The following ABLIM3 variants were observed in gnomAD, a reference collection of about 807,000 sequenced individuals.
ABLIM3 encodes the protein actin-binding LIM protein 3.
In ABLIM3, 61 loss-of-function variants were observed where a neutral mutation model predicts 109.5. That is an observed-to-expected ratio of 0.56 (90% CI 0.45 to 0.69). ABLIM3 has a LOEUF of 0.69. ABLIM3 is among the 30% of genes least tolerant of loss of function. The probability of loss-of-function intolerance (pLI) is 0.00; values close to 1 mark genes in which losing one functional copy is unlikely to be tolerated. For synonymous variants in ABLIM3, 300 were observed against 324.8 expected (o/e 0.92, Z 0.82); for missense variants, 796 against 889.5 (o/e 0.89, Z 1.34).
intron 2 of ABLIM3, among the ~76,000 whole-genome samples, chr5:149,159,210 C>T (rs1754110753): frequency 6.6e-6 from 1 of 152,166 alleles, no homozygotes; most frequent in African/African-American, 2.4e-5. Context: ...AAGGAACAAA[C>T]TATTGACACA....
At chr5:149,248,035 A>G (rs770126376) in intron 18 of ABLIM3, 106 bp downstream of exon 18, 8 of 1,348,820 alleles carry the variant, frequency 5.9e-6, no homozygotes, top group Non-Finnish European at 7.0e-6. Flanking sequence ...GGCACAGCCC[A>G]TGCATCCTCT....
chr5:149,253,139 G>T (rs1754104403), intron 23 of ABLIM3, among the ~76,000 whole-genome samples: 1 of 151,838 alleles, frequency 6.6e-6, no homozygotes, highest in Non-Finnish European at 1.5e-5. Context: ...GTTAGTGTCT[G>T]TGGTGCACAG....
At chr5:149,222,275 C>G (rs1418262075) in intron 8 of ABLIM3, among the ~76,000 whole-genome samples, 1 of 152,080 alleles carries the variant, frequency 6.6e-6, no homozygotes, top group African/African-American at 2.4e-5. Context: ...CAGCTAAAAA[C>G]TATTAATGTC....
intron 2 of ABLIM3, among the ~76,000 whole-genome samples, chr5:149,180,175 G>C (rs76562508): frequency 6.6e-6 from 1 of 152,160 alleles, no homozygotes; most frequent in Non-Finnish European, 1.5e-5. Flanking sequence ...AAATATTCAC[G>C]TGTAAGTCAA....
intron 2 of ABLIM3, among the ~76,000 whole-genome samples, chr5:149,157,841 C>T (rs1026206491): frequency 5.3e-5 from 8 of 152,084 alleles, no homozygotes; most frequent in Non-Finnish European, 8.8e-5. Flanking sequence ...ACCTCAGACC[C>T]CAGACTTCCC....
chr5:149,206,865 G>C, intron 5 of ABLIM3, 143 bp from the exon 6 acceptor site: 1 of 1,079,250 alleles, frequency 9.3e-7, no homozygotes, highest in Middle Eastern at 2.5e-4. Context: ...CCCTGGGAGA[G>C]CCTCTGGGAA....
chr5:149,220,730 C>T (rs146687095), intron 8 of ABLIM3: 35 of 152,314 alleles, frequency 2.3e-4, no homozygotes, highest in African/African-American at 7.2e-4. Context: ...CGGGTTCAAG[C>T]GTCAGCAATT....
At chr5:149,196,016 A>G (rs1161866546) in intron 3 of ABLIM3, among the ~76,000 whole-genome samples, 5 of 152,216 alleles carry the variant, frequency 3.3e-5, no homozygotes, top group African/African-American at 1.2e-4. Context: ...CATTCTGCGT[A>G]CAAGTGAACA....
At chr5:149,204,603 T>C (rs566992452) in intron 5 of ABLIM3, among the ~76,000 whole-genome samples, 2 of 152,198 alleles carry the variant, frequency 1.3e-5, no homozygotes, top group Non-Finnish European at 2.9e-5. Flanking sequence ...ATGCACAGAA[T>C]GTGGGTTAAA....
intron 2 of ABLIM3, among the ~76,000 whole-genome samples, chr5:149,163,420 A>G (rs971006093): frequency 1.4e-5 from 2 of 146,942 alleles, no homozygotes; most frequent in African/African-American, 5.0e-5. Flanking sequence ...CTAGAGCTGC[A>G]TAACAAAATA....
chr5:149,152,368 G>A (rs1222712596), intron 2 of ABLIM3, among the ~76,000 whole-genome samples: 1 of 152,096 alleles, frequency 6.6e-6, no homozygotes, highest in Admixed American at 6.6e-5. Context: ...AATGATTATG[G>A]GAGAAAATCC....
At chr5:149,147,234 G>T (rs941046865) in intron 2 of ABLIM3, among the ~76,000 whole-genome samples, 5 of 152,124 alleles carry the variant, frequency 3.3e-5, no homozygotes, top group African/African-American at 1.2e-4. Context: ...CATTAATTTT[G>T]TATCCTGAGA....
At chr5:149,236,969 A>G (rs1581207239) in intron 10 of ABLIM3, among the ~76,000 whole-genome samples, 2 of 152,248 alleles carry the variant, frequency 1.3e-5, no homozygotes, top group South Asian at 4.1e-4. Flanking sequence ...TATCATGATT[A>G]TTTTTGTCTT....
intron 7 of ABLIM3, 140 bp from the exon 8 acceptor site, chr5:149,216,819 C>T (rs1207943108): frequency 1.1e-5 from 8 of 707,186 alleles, no homozygotes; most frequent in Non-Finnish European, 1.7e-5. Flanking sequence ...GTTGTGGACT[C>T]CCTTGGGTAG....
chr5:149,208,547 G>A (rs1035929267), intron 6 of ABLIM3, among the ~76,000 whole-genome samples: 3 of 152,074 alleles, frequency 2.0e-5, no homozygotes, highest in Admixed American at 2.0e-4. Flanking sequence ...TCCATACCAA[G>A]CCTAGCAGAA....
At chr5:149,164,466 G>A (rs992965531) in intron 2 of ABLIM3, among the ~76,000 whole-genome samples, 1 of 152,112 alleles carries the variant, frequency 6.6e-6, no homozygotes, top group East Asian at 1.9e-4. Flanking sequence ...TATGCTGTAG[G>A]TCAGTGGTTC....
At chr5:149,225,753 T>G (rs1176241967) in intron 8 of ABLIM3, among the ~76,000 whole-genome samples, 3 of 151,998 alleles carry the variant, frequency 2.0e-5, no homozygotes, top group Non-Finnish European at 4.4e-5. Context: ...GTCATTCTTA[T>G]GCTTTTGCAT....
chr5:149,168,980 C>T (rs987470600), intron 2 of ABLIM3, among the ~76,000 whole-genome samples: 5 of 150,042 alleles, frequency 3.3e-5, no homozygotes, highest in Admixed American at 1.3e-4. Flanking sequence ...CTCCCCACCC[C>T]GGTGATTCTG....
At position 149,142,063 on chromosome 5, in the gene ABLIM3, A is replaced by G. The variant is rs1363995287; in HGVS notation, c.-33A>G. 1 of 1,574,748 alleles carries G rather than the reference A, an allele frequency of 6.4e-7. No homozygotes were observed. The highest frequency in any genetic ancestry group is 8.7e-7 in the Non-Finnish European group (1 of 1,154,856). On this transcript the variant is annotated 5_prime_UTR_variant, in exon 2 of 24. Transcript: ENST00000309868. ...TTTAAAAAGCAGCCGGGGCCTCCGT[A>G]TTGAATGAAAGACCCAGTGCAAAGA... is the stretch of plus-strand genomic sequence containing the variant.
Sources: gnomAD v4.1 joint callset for allele counts (sites outside exome capture counted in the v4.1 genomes callset) on GRCh38, gnomAD v4.1.1 for gene constraint, MANE v1.5 for transcripts, NCBI Gene and HGNC (gene_info 2026-07-23, HGNC 2026-07-21) for gene names.